The following HINT3 variants were observed in gnomAD, a reference collection of about 807,000 sequenced individuals.
HINT3 encodes adenosine 5'-monophosphoramidase HINT3.
In HINT3, 16 loss-of-function variants were observed where a neutral mutation model predicts 19.1. That is an observed-to-expected ratio of 0.84 (90% CI 0.57 to 1.27). The LOEUF (loss-of-function observed/expected upper bound fraction) is 1.27, where lower values mean the gene tolerates loss of function less well. Ranked by LOEUF, HINT3 falls within the 50% of genes most tolerant of loss-of-function variation. The pLI is 0.00. For missense variants in HINT3, 197 were observed against 225.8 expected, an observed-to-expected ratio of 0.87 and a Z score of 0.82; for synonymous variants, 75 against 84.8, an observed-to-expected ratio of 0.88 and a Z score of 0.63.
At chr6:125,964,217 G>A (rs1490884050) in intron 1 of HINT3, among the ~76,000 whole-genome samples, 2 of 152,160 alleles carry the variant, frequency 1.3e-5, no homozygotes, top group Non-Finnish European at 2.9e-5. Flanking sequence ...GAATGATTAT[G>A]CTACCAACAT....
Position 125,967,056 on chromosome 6 carries a change from G to A in HINT3, c.319+52G>A, listed in dbSNP as rs747499771. Reference sequence around the variant, plus strand: ...TTTATATCATTTTCAGTTGGTATCAGTGATGGCAGTGAAGATTAAAAAGAA... The same window carrying A: ...TTTATATCATTTTCAGTTGGTATCAATGATGGCAGTGAAGATTAAAAAGAA... On this transcript the variant is annotated intron_variant, in intron 2 of 4. Coordinates refer to ENST00000229633, the MANE Select transcript of HINT3 (RefSeq NM_138571.5). 1.4e-5 allele frequency: 15 copies of A among 1,082,340 alleles called. No homozygotes were observed. In the African/African-American group the frequency reaches 2.2e-4, roughly 16 times the overall value. 67.0% of individuals were successfully genotyped at this position (1,082,340 alleles called of 1,614,324 possible).
At chr6:125,973,859 C>T (rs1367931567) in intron 3 of HINT3, among the ~76,000 whole-genome samples, 2 of 152,216 alleles carry the variant, frequency 1.3e-5, no homozygotes, top group Admixed American at 6.5e-5. Flanking sequence ...TTTAAACTTT[C>T]TGGATCATGG....
chr6:125,979,971 T>C lies in HINT3; in HGVS notation c.*2295T>C, dbSNP rs1789227968. 6.6e-6 allele frequency: 1 copy of C among 152,224 alleles called. No individual in the cohort carries two copies. The highest frequency in any genetic ancestry group is 1.5e-5 in the Non-Finnish European group (1 of 68,034). The allele number at this position is 152,224 out of a possible 1,614,324, so 9.4% of individuals were successfully genotyped here. ...TAAAAACCCTTGGAAACACATCTTTTAGTAGAGGTTCTTATTTACTTATAA... is the reference window on the plus strand; with the variant it reads ...TAAAAACCCTTGGAAACACATCTTTCAGTAGAGGTTCTTATTTACTTATAA... On this transcript the variant is annotated 3_prime_UTR_variant, in exon 5 of 5. Transcript: ENST00000229633.
intron 4 of HINT3, among the ~76,000 whole-genome samples, chr6:125,977,070 C>T (rs908461673): frequency 5.3e-5 from 8 of 152,146 alleles, no homozygotes; most frequent in Non-Finnish European, 1.0e-4. Context: ...AAATTGTTAT[C>T]ACCACAGTCC....
chr6:125,962,255 C>CATATATATATATACACACAT (rs1788948849), intron 1 of HINT3, among the ~76,000 whole-genome samples: 1 of 14,952 alleles, frequency 6.7e-5, no homozygotes, highest in Non-Finnish European at 1.1e-4. Context: ...TATATACACA[C>CATATATATATATACACACAT]ATATATATAT....
intron 1 of HINT3, among the ~76,000 whole-genome samples, chr6:125,964,620 A>G (rs1470014547): frequency 6.6e-6 from 1 of 151,794 alleles, no homozygotes; most frequent in African/African-American, 2.4e-5. Flanking sequence ...GCCACACAAT[A>G]CTCCATTGTG....
chr6:125,962,405 T>C (rs1215217901), intron 1 of HINT3, among the ~76,000 whole-genome samples: 1 of 150,612 alleles, frequency 6.6e-6, no homozygotes, highest in Non-Finnish European at 1.5e-5. Context: ...AGGTTGTGTA[T>C]CTTTTTCAAA....
At position 125,979,907 on chromosome 6, in the gene HINT3, G is replaced by A. The variant is rs561919660; in HGVS notation, c.*2231G>A. ...TGTTTCCGAGATCAGACGAGATCGG[G>A]CGCGTTCAGGGTGGTATGGCCGTAG... On this transcript the variant is annotated 3_prime_UTR_variant, in exon 5 of 5. Coordinates refer to ENST00000229633, the MANE Select transcript of HINT3 (RefSeq NM_138571.5). 1.3e-5 allele frequency: 2 copies of A among 152,396 alleles called. No homozygotes were observed. Among genetic ancestry groups the A allele is most frequent in the Admixed American group, 1.3e-4 (2 of 15,296 alleles). 9.4% of individuals were successfully genotyped at this position (152,396 alleles called of 1,614,324 possible). A position where few individuals can be genotyped will look rare whatever the true frequency, so the allele number is the denominator to read the frequency against.
rs144652420 is a variant in HINT3, at chr6:125,956,930, C to T, written c.-48C>T. On this transcript the variant is annotated 5_prime_UTR_variant, in exon 1 of 5. Transcript: ENST00000229633. ...GCGGGACGCGGAGACTGCGCGGGCC[C>T]GGTAGCCCTGGAGAGGCCGAGGCTC... The T allele has an allele frequency of 9.5e-4, 1,449 of 1,524,860 alleles. 4 individuals carry two copies. Among genetic ancestry groups the T allele is most frequent in the Non-Finnish European group, 1.1e-3 (1,287 of 1,129,662 alleles). The allele number at this position is 1,524,860 out of a possible 1,614,324, so 94.5% of individuals were successfully genotyped here. A position where few individuals can be genotyped will look rare whatever the true frequency, so the allele number is the denominator to read the frequency against.
intron 1 of HINT3, among the ~76,000 whole-genome samples, chr6:125,962,191 TATATATATATATATATATACAC>T (rs1212100021): frequency 0.2 from 6,973 of 35,368 alleles, 1,147 homozygotes; most frequent in Admixed American, 0.32. Flanking sequence ...TATATACACA[TATATATATATATATATATACAC>T]ATATATATAT....
intron 1 of HINT3, among the ~76,000 whole-genome samples, chr6:125,960,565 G>A (rs560774343): frequency 6.6e-6 from 1 of 150,988 alleles, no homozygotes; most frequent in South Asian, 2.1e-4. Flanking sequence ...GCAGAGGGAG[G>A]AGAACTGCTT....
intron 3 of HINT3, among the ~76,000 whole-genome samples, 181 bp from the exon 4 acceptor site, chr6:125,974,666 A>C (rs1309685896): frequency 6.6e-6 from 1 of 152,232 alleles, no homozygotes; most frequent in African/African-American, 2.4e-5. Context: ...CTTCAACATG[A>C]AAAGAAGAGG....
intron 1 of HINT3, among the ~76,000 whole-genome samples, chr6:125,963,868 C>T (rs1197081912): frequency 6.6e-6 from 1 of 152,030 alleles, no homozygotes; most frequent in Non-Finnish European, 1.5e-5. Context: ...AGGGGTTTTG[C>T]AAGGAGAAAC....
At chr6:125,977,595 GAT>G in intron 4 of HINT3, 47 bp from the exon 5 acceptor site, 1 of 964,052 alleles carries the variant, frequency 1.0e-6, no homozygotes, top group Non-Finnish European at 1.6e-6. Flanking sequence ...AGAATTATTT[GAT>G]AGAGACTATG....
chr6:125,975,776 C>G (rs1301640410), intron 4 of HINT3, among the ~76,000 whole-genome samples: 1 of 152,080 alleles, frequency 6.6e-6, no homozygotes, highest in Non-Finnish European at 1.5e-5. Flanking sequence ...TGGGGTTTCA[C>G]CATGTTGGCC....
chr6:125,964,944 G>A (rs1298929745), intron 1 of HINT3, among the ~76,000 whole-genome samples: 4 of 152,122 alleles, frequency 2.6e-5, no homozygotes, highest in Non-Finnish European at 5.9e-5. Flanking sequence ...TAGTCAGGGT[G>A]TAGGCTAACT....
In HINT3 at chr6:125,977,750, T is replaced by C; in HGVS notation, c.*74T>C. On this transcript the variant is annotated 3_prime_UTR_variant, in exon 5 of 5. Transcript: ENST00000229633. ...GTATTTAGGTCCCTTTTAAGTCTAA[T>C]TGCAATTTTAAGATTTGTTGGGTTT... The C allele has an allele frequency of 3.6e-6, 3 of 828,368 alleles. No individual in the cohort carries two copies. The highest frequency in any genetic ancestry group is 2.9e-5 in the East Asian group (1 of 34,566). The allele number at this position is 828,368 out of a possible 1,614,324, so 51.3% of individuals were successfully genotyped here.
chr6:125,971,041 G>A (rs941457), intron 2 of HINT3, among the ~76,000 whole-genome samples: 3 of 152,032 alleles, frequency 2.0e-5, no homozygotes, highest in Non-Finnish European at 4.4e-5. Context: ...TTACTTCTTC[G>A]TCTTTCAAAT....
At chr6:125,959,998 A>C (rs1788894394) in intron 1 of HINT3, among the ~76,000 whole-genome samples, 1 of 152,248 alleles carries the variant, frequency 6.6e-6, no homozygotes, top group Admixed American at 6.5e-5. Context: ...GAAAATAAAG[A>C]GGAAGGGGAT....
Sources: gnomAD v4.1 joint callset for allele counts (sites outside exome capture counted in the v4.1 genomes callset) on GRCh38, gnomAD v4.1.1 for gene constraint, MANE v1.5 for transcripts, NCBI Gene and HGNC (gene_info 2026-07-23, HGNC 2026-07-21) for gene names.